The following LTBP1 variants were observed in gnomAD, a reference collection of about 807,000 sequenced individuals.
The protein encoded by LTBP1 is latent-transforming growth factor beta-binding protein 1.
In LTBP1, 129 loss-of-function variants were observed where a neutral mutation model predicts 207.6. The observed-to-expected ratio is 0.62, with a 90% CI of 0.54 to 0.72. The LOEUF (loss-of-function observed/expected upper bound fraction) is 0.72, where lower values mean the gene tolerates loss of function less well. Among genes scored for constraint, LTBP1 ranks in the 30% least tolerant of loss-of-function variants. The pLI is 0.00. For missense variants in LTBP1, 2,281 were observed against 2,217.2 expected (o/e 1.03, Z -0.58); for synonymous variants, 963 against 833.7 (o/e 1.16, Z -2.67).
chr2:33,048,735 A>G (rs2076575056), intron 3 of LTBP1, among the ~76,000 whole-genome samples: 1 of 152,170 alleles, frequency 6.6e-6, no homozygotes, highest in South Asian at 2.1e-4. Context: ...TTCAGAGAGG[A>G]TTATCTCTAC....
chr2:33,094,236 G>C (rs1249912211), intron 3 of LTBP1, among the ~76,000 whole-genome samples: 2 of 152,162 alleles, frequency 1.3e-5, no homozygotes, highest in African/African-American at 4.8e-5. Context: ...ATGCAAAACA[G>C]TGAGAGAGTC....
At chr2:33,313,033 G>A (rs1022666386) in intron 23 of LTBP1, among the ~76,000 whole-genome samples, 1 of 152,136 alleles carries the variant, frequency 6.6e-6, no homozygotes, top group Non-Finnish European at 1.5e-5. Flanking sequence ...ACTTCAAAAA[G>A]GATGGCCAAT....
chr2:33,214,450 G>A (rs1370493663), intron 7 of LTBP1, among the ~76,000 whole-genome samples: 4 of 152,088 alleles, frequency 2.6e-5, no homozygotes, highest in Non-Finnish European at 4.4e-5. Context: ...CCCACTCTGC[G>A]TGTACGTGCC....
chr2:33,220,443 T>TACTTAA (rs2091027268), intron 8 of LTBP1, among the ~76,000 whole-genome samples: 1 of 152,050 alleles, frequency 6.6e-6, no homozygotes, highest in African/African-American at 2.4e-5. Flanking sequence ...TTGTTGATCA[T>TACTTAA]TTTTTTTGCT....
intron 15 of LTBP1, among the ~76,000 whole-genome samples, chr2:33,271,998 C>T (rs1049301495): frequency 6.6e-6 from 1 of 152,162 alleles, no homozygotes; most frequent in Non-Finnish European, 1.5e-5. Flanking sequence ...TAACTAGACT[C>T]ACAAAAGGTA....
chr2:33,055,032 G>T (rs962981577), intron 3 of LTBP1, among the ~76,000 whole-genome samples: 4 of 152,148 alleles, frequency 2.6e-5, no homozygotes, highest in African/African-American at 9.7e-5. Context: ...TCCATTTTCT[G>T]TCCTCTCTGA....
intron 2 of LTBP1, among the ~76,000 whole-genome samples, chr2:32,962,410 G>A (rs1275333631): frequency 6.6e-6 from 1 of 152,182 alleles, no homozygotes; most frequent in Non-Finnish European, 1.5e-5. Flanking sequence ...CAGACAATAA[G>A]TAAATTAAAG....
Position 33,309,551 on chromosome 2 carries a change from G to A in LTBP1, c.3599G>A (p.Cys1200Tyr), listed in dbSNP as rs1183002340. 1.9e-6 allele frequency: 3 copies of A among 1,604,452 alleles called. No individual in the cohort carries two copies. Among genetic ancestry groups the A allele is most frequent in the Non-Finnish European group, 2.5e-6 (3 of 1,176,976 alleles). Reference sequence around the variant, plus strand: ...TTTCAGCTAGATGACAATAAAACATGTCAAGGTATTTCTTGCTCTTTTTTC... The same window carrying A: ...TTTCAGCTAGATGACAATAAAACATATCAAGGTATTTCTTGCTCTTTTTTC... ...DGFQLDDNKT[C>Y]QDINECEHPG... is the part of the protein sequence containing the mutation. Residue 1200 changes from cysteine (C) to tyrosine (Y), a missense_variant, in exon 23 of 34, where the codon TGT (cysteine) becomes TAT (tyrosine). Around this residue, in one of 3 missense-constraint regions of LTBP1, gnomAD observed 1,671 missense variants for 1,634.8 expected, o/e 1.02. Coordinates refer to ENST00000404816, the MANE Select transcript of LTBP1 (RefSeq NM_206943.4).
chr2:33,133,899 A>C (rs975283817), intron 4 of LTBP1, among the ~76,000 whole-genome samples: 2 of 152,200 alleles, frequency 1.3e-5, no homozygotes, highest in Admixed American at 6.5e-5. Flanking sequence ...ATTGTAAACC[A>C]GGATATACTT....
At chr2:33,146,879 G>C (rs2083094684) in intron 5 of LTBP1, among the ~76,000 whole-genome samples, 1 of 152,210 alleles carries the variant, frequency 6.6e-6, no homozygotes, top group South Asian at 2.1e-4. Context: ...TTACACTGGG[G>C]ATTACAATTT....
At chr2:33,121,742 G>A (rs1029479553) in intron 4 of LTBP1, among the ~76,000 whole-genome samples, 1 of 152,132 alleles carries the variant, frequency 6.6e-6, no homozygotes, top group African/African-American at 2.4e-5. Flanking sequence ...TTATTCGTCA[G>A]TCAAAAATAC....
chr2:33,181,615 A>C (rs536991173), intron 5 of LTBP1, among the ~76,000 whole-genome samples: 3 of 152,358 alleles, frequency 2.0e-5, no homozygotes, highest in African/African-American at 7.2e-5. Context: ...TCTCTGATGC[A>C]ATATAGTGAA....
Position 33,391,011 on chromosome 2 carries a change from CTCTT to C in LTBP1, c.4834+1709_4834+1712del, listed in dbSNP as rs564043419. On this transcript the variant is annotated intron_variant, in intron 32 of 33. Coordinates refer to ENST00000404816, the MANE Select transcript of LTBP1 (RefSeq NM_206943.4). ...CTTTTATTTTTTTTTTCCTTCTCTT[CTCTT>C]TCTCTTTTCCCTTTCTCTCCCTTCT... Among the ~76,000 whole-genome samples the C allele has an allele frequency of 2.6e-5, 4 of 151,320 alleles. No individual in the cohort carries two copies. The South Asian group carries it at 8.4e-4, about 32-fold the overall frequency.
At chr2:33,036,724 C>G (rs1296167861) in intron 3 of LTBP1, among the ~76,000 whole-genome samples, 2 of 152,204 alleles carry the variant, frequency 1.3e-5, no homozygotes, top group Non-Finnish European at 2.9e-5. Flanking sequence ...TCCCAAAGTG[C>G]TGGGATTACA....
intron 5 of LTBP1, among the ~76,000 whole-genome samples, chr2:33,171,807 T>G (rs1170743543): frequency 1.7e-4 from 26 of 152,228 alleles, no homozygotes; most frequent in Admixed American, 1.4e-3. Flanking sequence ...ACAGCGGATC[T>G]CTCGGCAGAA....
chr2:32,990,534 T>A (rs952260697), intron 2 of LTBP1, among the ~76,000 whole-genome samples: 1 of 152,242 alleles, frequency 6.6e-6, no homozygotes, highest in Non-Finnish European at 1.5e-5. Flanking sequence ...AGTATTTACT[T>A]ACGTTGTTTA....
chr2:33,170,389 G>C (rs193113195), intron 5 of LTBP1, among the ~76,000 whole-genome samples: 1 of 152,210 alleles, frequency 6.6e-6, no homozygotes, highest in Non-Finnish European at 1.5e-5. Context: ...CGCCCATAGA[G>C]TCTCGCTGAT....
chr2:33,115,846 C>T (rs577152799), intron 4 of LTBP1, among the ~76,000 whole-genome samples: 10 of 152,116 alleles, frequency 6.6e-5, no homozygotes, highest in African/African-American at 2.4e-4. Flanking sequence ...GTAACTCAGA[C>T]AAAAAGAGAT....
chr2:33,341,729 A>AATATATATATATATAT lies in LTBP1; in HGVS notation c.3731-1108_3731-1093dup, dbSNP rs56171359. Among the ~76,000 whole-genome samples, 124 of 93,598 alleles carry AATATATATATATATAT rather than the reference A, an allele frequency of 1.3e-3. 1 individual carries two copies. Among genetic ancestry groups the AATATATATATATATAT allele is most frequent in the East Asian group, 0.012 (38 of 3,044 alleles). The allele number at this position is 93,598 out of a possible 152,430, so 61.4% of individuals were successfully genotyped here. On this transcript the variant is annotated intron_variant, in intron 24 of 33. Coordinates refer to ENST00000404816, the MANE Select transcript of LTBP1 (RefSeq NM_206943.4). Reference sequence around the variant, plus strand: ...CCGTCTCACTCAAAAAAAAAAAAAAAATATATATATATATATGTATATTTA... The same window carrying AATATATATATATATAT: ...CCGTCTCACTCAAAAAAAAAAAAAAAATATATATATATATATATATATATATATATATGTATATTTA...
Sources: allele counts gnomAD v4.1 joint callset (sites outside exome capture counted in the v4.1 genomes callset), GRCh38; gene constraint gnomAD v4.1.1; regional missense constraint gnomAD v4.1.1; transcripts MANE v1.5; gene names NCBI Gene and HGNC (gene_info 2026-07-23, HGNC 2026-07-21).